Variants in ELAVL2 observed in about 807,000 individuals in gnomAD.
ELAVL2 encodes ELAV-like protein 2.
A neutral mutation model predicts 34.6 loss-of-function variants in ELAVL2; 4 were observed. The ratio of observed to expected loss-of-function variants is 0.12; its 90% CI spans 0.06 to 0.26. The LOEUF (loss-of-function observed/expected upper bound fraction) is 0.26, where lower values mean the gene tolerates loss of function less well. Among genes scored for constraint, ELAVL2 ranks in the 10% least tolerant of loss-of-function variants. The pLI is 1.00. For synonymous variants in ELAVL2, 193 were observed against 154.8 expected, an observed-to-expected ratio of 1.25 and a Z score of -1.83; for missense variants, 432 against 442.8, an observed-to-expected ratio of 0.98 and a Z score of 0.22.
rs1005778388 is a variant in ELAVL2 at position 23,774,232 on chromosome 9, A to G, written c.-15-11983T>C. Among the ~76,000 whole-genome samples the G allele has an allele frequency of 3.6e-3, 534 of 147,066 alleles. 4 individuals are homozygous for G. Among genetic ancestry groups the G allele is most frequent in the Non-Finnish European group, 5.6e-3 (377 of 67,520 alleles). Reference sequence around the variant, plus strand: ...CCATCTCAAAAAAAAAAAAAAAAAAAAAAAAAGAAAGAAAGAAAGAAAGAA... The same window carrying G: ...CCATCTCAAAAAAAAAAAAAAAAAAGAAAAAAGAAAGAAAGAAAGAAAGAA... On this transcript the variant is annotated intron_variant, in intron 1 of 6. Coordinates refer to ENST00000397312, the MANE Select transcript of ELAVL2 (RefSeq NM_004432.5).
intron 1 of ELAVL2, among the ~76,000 whole-genome samples, chr9:23,790,561 A>C: frequency 6.6e-6 from 1 of 152,170 alleles, no homozygotes; most frequent in Non-Finnish European, 1.5e-5. Context: ...GCTCAACGTA[A>C]AGAAAGCTAA....
At chr9:23,776,119 A>T (rs189555990) in intron 1 of ELAVL2, among the ~76,000 whole-genome samples, 9 of 152,290 alleles carry the variant, frequency 5.9e-5, no homozygotes, top group Admixed American at 4.6e-4. Flanking sequence ...GTATAGCTGG[A>T]GGAGCAGCCA....
intron 3 of ELAVL2, among the ~76,000 whole-genome samples, chr9:23,721,966 G>T: frequency 6.6e-6 from 1 of 152,148 alleles, no homozygotes; most frequent in East Asian, 1.9e-4. Flanking sequence ...TAGACTTTTT[G>T]CTATATGGGG....
intron 3 of ELAVL2, among the ~76,000 whole-genome samples, chr9:23,715,036 CTA>C (rs1363891998): frequency 6.6e-6 from 1 of 152,160 alleles, no homozygotes; most frequent in African/African-American, 2.4e-5. Context: ...TTTTATATTA[CTA>C]TGTTTTATAC....
At chr9:23,819,336 T>C (rs926973870) in intron 1 of ELAVL2, among the ~76,000 whole-genome samples, 1 of 151,768 alleles carries the variant, frequency 6.6e-6, no homozygotes, top group African/African-American at 2.4e-5. Context: ...CCAGAACAAA[T>C]CAACCAAAAA....
intron 2 of ELAVL2, among the ~76,000 whole-genome samples, chr9:23,737,821 T>C (rs2134992941): frequency 6.6e-6 from 1 of 152,324 alleles, no homozygotes; most frequent in South Asian, 2.1e-4. Context: ...AAGGAAGACT[T>C]GCAACCTGAG....
At chr9:23,826,534 G>C (rs188875767), upstream of ELAVL2, among the ~76,000 whole-genome samples, 4 of 152,286 alleles carry the variant, frequency 2.6e-5, no homozygotes, top group Non-Finnish European at 4.4e-5. Flanking sequence ...TGTGCGGGGA[G>C]GTACACTCTT....
At chr9:23,735,174 C>G (rs1455274196) in intron 2 of ELAVL2, 2 of 135,322 alleles carry the variant, frequency 1.5e-5, no homozygotes, top group Non-Finnish European at 3.2e-5. Context: ...AAAAATTTGC[C>G]TGGTAACTGA....
chr9:23,725,720 T>C (rs2044952514), intron 3 of ELAVL2, among the ~76,000 whole-genome samples: 1 of 152,156 alleles, frequency 6.6e-6, no homozygotes, highest in Admixed American at 6.6e-5. Context: ...TATTAAACTT[T>C]CAAGAGTGAA....
At chr9:23,819,200 C>A (rs1470660831) in intron 1 of ELAVL2, among the ~76,000 whole-genome samples, 1 of 152,104 alleles carries the variant, frequency 6.6e-6, no homozygotes, top group Non-Finnish European at 1.5e-5. Context: ...AAGGTTGATT[C>A]AAGGAATGAT....
chr9:23,769,572 T>C (rs1005394264), intron 1 of ELAVL2, among the ~76,000 whole-genome samples: 5 of 152,130 alleles, frequency 3.3e-5, no homozygotes, highest in African/African-American at 1.2e-4. Flanking sequence ...AAAATAAAGG[T>C]TTGTAGCTTT....
intron 3 of ELAVL2, among the ~76,000 whole-genome samples, chr9:23,706,711 T>C (rs752644197): frequency 1.3e-5 from 2 of 152,214 alleles, no homozygotes; most frequent in Non-Finnish European, 2.9e-5. Context: ...CATTTTATTA[T>C]TGGTACCCAC....
At chr9:23,835,202 C>G in the ELAVL2 span, among the ~76,000 whole-genome samples, 1 of 152,034 alleles carries the variant, frequency 6.6e-6, no homozygotes, top group Non-Finnish European at 1.5e-5. Flanking sequence ...TTGATGAAAT[C>G]AATGAGTCAA....
chr9:23,758,699 T>C (rs1588166490), intron 2 of ELAVL2, among the ~76,000 whole-genome samples: 1 of 152,086 alleles, frequency 6.6e-6, no homozygotes, highest in South Asian at 2.1e-4. Flanking sequence ...CAGGGAGAGA[T>C]ACTCACTCTT....
intron 1 of ELAVL2, among the ~76,000 whole-genome samples, chr9:23,788,392 A>G (rs2059946387): frequency 6.6e-6 from 1 of 152,178 alleles, no homozygotes; most frequent in Non-Finnish European, 1.5e-5. Flanking sequence ...GAGATATGGC[A>G]GTCCCCTTTT....
chr9:23,787,964 G>C (rs936644873), intron 1 of ELAVL2, among the ~76,000 whole-genome samples: 3 of 152,174 alleles, frequency 2.0e-5, no homozygotes, highest in Non-Finnish European at 2.9e-5. Context: ...TAACTTCAGG[G>C]AAAGTCTGAA....
At chr9:23,819,432 C>A (rs1426728046) in intron 1 of ELAVL2, among the ~76,000 whole-genome samples, 1 of 152,086 alleles carries the variant, frequency 6.6e-6, no homozygotes, top group Non-Finnish European at 1.5e-5. Flanking sequence ...CACTGAGTGT[C>A]AAAAGAGTGG....
At chr9:23,841,801 C>T in the ELAVL2 span, among the ~76,000 whole-genome samples, 1 of 152,062 alleles carries the variant, frequency 6.6e-6, no homozygotes, top group Admixed American at 6.6e-5. Context: ...AATCTATGAA[C>T]ACTGGAAAAT....
chr9:23,717,200 G>T (rs1038117165), intron 3 of ELAVL2, among the ~76,000 whole-genome samples: 1 of 152,184 alleles, frequency 6.6e-6, no homozygotes, highest in African/African-American at 2.4e-5. Context: ...ATATAGTAAT[G>T]AAAATATAAT....
Sources: gnomAD v4.1 joint callset for allele counts (sites outside exome capture counted in the v4.1 genomes callset) on GRCh38, gnomAD v4.1.1 for gene constraint, MANE v1.5 for transcripts, NCBI Gene and HGNC (gene_info 2026-07-23, HGNC 2026-07-21) for gene names.